FMO3: variants seen among roughly 807,000 people sequenced by gnomAD.
FMO3 encodes the protein flavin-containing monooxygenase 3.
Under a neutral mutation model 39.4 loss-of-function variants are expected in FMO3, and 40 were observed. That is an observed-to-expected ratio of 1.02 (90% CI 0.79 to 1.32). The LOEUF (loss-of-function observed/expected upper bound fraction) is 1.32, where lower values mean the gene tolerates loss of function less well. Among genes scored for constraint, FMO3 ranks in the 40% most tolerant of loss-of-function variants. FMO3 has a pLI of 0.00. For missense variants in FMO3, 680 were observed against 651.8 expected, an observed-to-expected ratio of 1.04 and a Z score of -0.47; for synonymous variants, 219 against 228.8, an observed-to-expected ratio of 0.96 and a Z score of 0.39.
intron 2 of FMO3, among the ~76,000 whole-genome samples, chr1:171,099,536 A>G (rs1026851355): frequency 6.6e-6 from 1 of 151,936 alleles, no homozygotes; most frequent in African/African-American, 2.4e-5. Context: ...GACTTTTTCT[A>G]TTTAATTAAA....
rs1654776057 is a variant in FMO3 at position 171,092,800 on chromosome 1, ATGT to A, written c.132+17_132+19del. 1 of 1,613,496 alleles carries A rather than the reference ATGT, an allele frequency of 6.2e-7. No individual in the cohort carries two copies. The highest frequency in any genetic ancestry group is 1.3e-5 in the African/African-American group (1 of 74,900). ...CCTGTGGAAATTTTCAGTGAGTAGC[ATGT>A]TGTTGTAATAGACAGGAAAATAGGT... On this transcript the variant is annotated intron_variant, in intron 2 of 8. Coordinates refer to ENST00000367755, the MANE Select transcript of FMO3 (RefSeq NM_001002294.3).
chr1:171,114,538 A>G (rs1254299090), intron 7 of FMO3, among the ~76,000 whole-genome samples, 176 bp downstream of exon 7: 1 of 152,208 alleles, frequency 6.6e-6, no homozygotes, highest in Non-Finnish European at 1.5e-5. Flanking sequence ...AGTTTGGATT[A>G]TTGTATGAAA....
At chr1:171,095,765 T>G (rs183483206) in intron 2 of FMO3, among the ~76,000 whole-genome samples, 2,458 of 131,802 alleles carry the variant, frequency 0.019, 77 homozygotes, top group African/African-American at 0.065. Context: ...AATATATATT[T>G]AATATATATT....
At chr1:171,108,302 G>A (rs910885777) in intron 5 of FMO3, 81 bp downstream of exon 5, 2 of 1,521,208 alleles carry the variant, frequency 1.3e-6, no homozygotes, top group African/African-American at 1.4e-5. Flanking sequence ...TATGAAATGT[G>A]GGGGAGGAGG....
intron 5 of FMO3, among the ~76,000 whole-genome samples, chr1:171,109,722 A>G (rs1380145425): frequency 6.6e-6 from 1 of 151,424 alleles, no homozygotes; most frequent in African/African-American, 2.4e-5. Context: ...TTGTATTTTT[A>G]GTAGAGACAG....
chr1:171,101,121 G>GA, intron 2 of FMO3: 1 of 456,098 alleles, frequency 2.2e-6, no homozygotes, highest in South Asian at 1.5e-5. Flanking sequence ...TCTTGCCACT[G>GA]AAAAAAATAA....
intron 2 of FMO3, among the ~76,000 whole-genome samples, chr1:171,096,619 TA>T (rs1655083869): frequency 1.6e-5 from 2 of 125,376 alleles, no homozygotes; most frequent in Admixed American, 9.4e-5. Context: ...ATTAAATACA[TA>T]ATATACTTTA....
chr1:171,099,534 C>A (rs995731851), intron 2 of FMO3, among the ~76,000 whole-genome samples: 1 of 151,922 alleles, frequency 6.6e-6, no homozygotes, highest in Non-Finnish European at 1.5e-5. Context: ...ATGACTTTTT[C>A]TATTTAATTA....
At chr1:171,110,122 T>A (rs894514675) in intron 5 of FMO3, among the ~76,000 whole-genome samples, 3 of 152,120 alleles carry the variant, frequency 2.0e-5, no homozygotes, top group Admixed American at 6.6e-5. Context: ...GGGAACAAGA[T>A]TAGAGAAGTT....
Position 171,114,288 on chromosome 1 carries a change from GCTTTGTC to G in FMO3, c.1111_1117del (p.Phe371SerfsTer20). The G allele has an allele frequency of 6.2e-7, 1 of 1,613,876 alleles. No individual in the cohort carries two copies. Among genetic ancestry groups the G allele is most frequent in the South Asian group, 1.1e-5 (1 of 91,078 alleles). On this transcript the variant is annotated frameshift_variant, in exon 7 of 9. Coordinates refer to ENST00000367755, the MANE Select transcript of FMO3 (RefSeq NM_001002294.3). LOFTEE classifies it high-confidence loss of function. ...GAGAAGTCAACCATAGCAGTGATTG[GCTTTGTC>G]CAGTCCCTTGGGGCTGCCATTCCCA... is the stretch of plus-strand genomic sequence containing the variant.
chr1:171,096,548 ATACTT>A (rs1359334179), intron 2 of FMO3, among the ~76,000 whole-genome samples: 3 of 90,476 alleles, frequency 3.3e-5, no homozygotes, highest in East Asian at 3.3e-4. Flanking sequence ...AATACATACT[ATACTT>A]TATATATTAA....
rs185723654 is a variant in FMO3 at position 171,096,546 on chromosome 1, C to A, written c.132+3756C>A. On this transcript the variant is annotated intron_variant, in intron 2 of 8. Transcript: ENST00000367755. ...ATATACTTTATATATTAAATACATA[C>A]TATACTTTATATATTAAATACATAC... 4.2e-3 allele frequency among the ~76,000 whole-genome samples: 198 copies of A among 46,710 alleles called. 5 individuals are homozygous for A. The highest frequency in any genetic ancestry group is 8.1e-3 in the African/African-American group (87 of 10,802). The allele number at this position is 46,710 out of a possible 152,430, so 30.6% of individuals were successfully genotyped here.
intron 2 of FMO3, among the ~76,000 whole-genome samples, chr1:171,096,262 A>G (rs1189035640): frequency 2.9e-5 from 2 of 69,858 alleles, no homozygotes; most frequent in African/African-American, 6.5e-5. Context: ...ATATAATTTT[A>G]TATATATAAA....
chr1:171,114,131 A>C lies in FMO3; in HGVS notation c.952A>C (p.Ile318Leu). ...CTCGGCCATTTTTGAGGATGGGACC[A>C]TATTTGAGGGCATTGACTGTGTAAT... ...ETSAIFEDGT[I>L]FEGIDCVIFA... The change falls in exon 7 of 9, where the codon ATA (isoleucine) becomes CTA (leucine). Residue 318 changes from isoleucine to leucine, a missense_variant. Physicochemically the swap from Ile to Leu is conservative, Grantham distance 5. Transcript: ENST00000367755. The C allele has an allele frequency of 6.2e-7, 1 of 1,614,048 alleles. No homozygotes were observed. The highest frequency in any genetic ancestry group is 8.5e-7 in the Non-Finnish European group (1 of 1,179,956).
At chr1:171,105,976 A>G (rs1278424723) in intron 3 of FMO3, among the ~76,000 whole-genome samples, 1 of 151,348 alleles carries the variant, frequency 6.6e-6, no homozygotes, top group Non-Finnish European at 1.5e-5. Context: ...CAAAACTGAG[A>G]TGTGCTATAA....
At chr1:171,093,147 G>A (rs1164992551) in intron 2 of FMO3, among the ~76,000 whole-genome samples, 3 of 151,024 alleles carry the variant, frequency 2.0e-5, no homozygotes, top group Non-Finnish European at 4.4e-5. Context: ...TACAGATTTA[G>A]GGGGTACAAG....
intron 2 of FMO3, 125 bp from the exon 3 acceptor site, chr1:171,103,660 A>G (rs895987344): frequency 1.3e-6 from 1 of 784,668 alleles, no homozygotes. Context: ...GATTTTGGTA[A>G]CCACGGAGGT....
At position 171,114,214 on chromosome 1, in the gene FMO3, C is replaced by A. The variant is rs1457695961; in HGVS notation, c.1035C>A (p.Ser345Arg). 4.3e-6 allele frequency: 7 copies of A among 1,613,832 alleles called. No homozygotes were observed. In the African/African-American group the frequency reaches 5.3e-5, roughly 12 times the overall value. ...TCCTTGATGAGTCTATCATCAAAAG[C>A]AGAAACAATGAGATCATTTTATTTA... ...YPFLDESIIK[S>R]RNNEIILFKG... Residue 345 changes from serine to arginine, a missense_variant, in exon 7 of 9, where the codon AGC (serine) becomes AGA (arginine). Ser to Arg is a moderately radical substitution (Grantham distance 110). Coordinates refer to ENST00000367755, the MANE Select transcript of FMO3 (RefSeq NM_001002294.3).
intron 5 of FMO3, among the ~76,000 whole-genome samples, chr1:171,109,514 C>T (rs1655801196): frequency 1.6e-5 from 2 of 124,190 alleles, no homozygotes; most frequent in African/African-American, 3.3e-5. Flanking sequence ...TTAATTGATC[C>T]TTTAGTCTCT....
Sources: gnomAD v4.1 joint callset for allele counts (sites outside exome capture counted in the v4.1 genomes callset) on GRCh38, gnomAD v4.1.1 for gene constraint, MANE v1.5 for transcripts, NCBI Gene and HGNC (gene_info 2026-07-23, HGNC 2026-07-21) for gene names.